The following ANK3 variants were observed in gnomAD, a reference collection of about 807,000 sequenced individuals.
The protein encoded by ANK3 is ankyrin-3.
Under a neutral mutation model 370.9 loss-of-function variants are expected in ANK3, and 57 were observed. That is an observed-to-expected ratio of 0.15 (90% CI 0.12 to 0.19). ANK3 has a LOEUF of 0.19. ANK3 is among the 10% of genes least tolerant of loss of function. The probability of loss-of-function intolerance (pLI) is 1.00; values close to 1 mark genes in which losing one functional copy is unlikely to be tolerated. For synonymous variants in ANK3, 1,929 were observed against 1,946.3 expected (o/e 0.99, Z 0.23); for missense variants, 4,439 against 5,302.1 (o/e 0.84, Z 5.06).
intron 2 of ANK3, among the ~76,000 whole-genome samples, chr10:60,563,554 CAT>C (rs2077389201): frequency 6.6e-6 from 1 of 152,144 alleles, no homozygotes; most frequent in East Asian, 1.9e-4. Context: ...TTCAGCAAAA[CAT>C]ATGAATACTC....
chr10:60,419,837 A>G (rs1252129887), intron 2 of ANK3, among the ~76,000 whole-genome samples: 1 of 152,152 alleles, frequency 6.6e-6, no homozygotes, highest in African/African-American at 2.4e-5. Flanking sequence ...TAACTCCAGT[A>G]TTCATCTGTG....
chr10:60,098,701 G>A (rs2090620209), intron 28 of ANK3, among the ~76,000 whole-genome samples: 2 of 152,158 alleles, frequency 1.3e-5, no homozygotes, highest in South Asian at 2.1e-4. Flanking sequence ...ATAAATTCAT[G>A]GGGCATGGCA....
At chr10:60,191,848 T>C in intron 16 of ANK3, among the ~76,000 whole-genome samples, 1 of 152,224 alleles carries the variant, frequency 6.6e-6, no homozygotes, top group South Asian at 2.1e-4. Context: ...TCAACCTTTG[T>C]GTCTACCAAT....
chr10:60,582,519 C>A (rs1263736515), intron 2 of ANK3, among the ~76,000 whole-genome samples: 1 of 151,928 alleles, frequency 6.6e-6, no homozygotes, highest in Non-Finnish European at 1.5e-5. Flanking sequence ...CAGAGTTGAG[C>A]AAAGGGCTGA....
At chr10:60,058,882 G>A (rs1435021993) in intron 41 of ANK3, among the ~76,000 whole-genome samples, 1 of 152,162 alleles carries the variant, frequency 6.6e-6, no homozygotes, top group Admixed American at 6.5e-5. Flanking sequence ...AGCCTCCTGA[G>A]TAGCTGGGAT....
intron 1 of ANK3, among the ~76,000 whole-genome samples, chr10:60,655,761 C>T (rs1185146820): frequency 6.6e-6 from 1 of 152,134 alleles, no homozygotes; most frequent in Non-Finnish European, 1.5e-5. Flanking sequence ...CAGGGACTCA[C>T]CCAGTGCAAG....
At chr10:60,175,124 A>T (rs2095892141) in intron 18 of ANK3, among the ~76,000 whole-genome samples, 1 of 152,186 alleles carries the variant, frequency 6.6e-6, no homozygotes, top group Non-Finnish European at 1.5e-5. Context: ...GTCTAATTCT[A>T]GTCTCCCCTA....
At chr10:60,415,916 G>GCCCCCCCCCCCCCCCCCCC (rs202007204) in intron 2 of ANK3, among the ~76,000 whole-genome samples, 1 of 81,188 alleles carries the variant, frequency 1.2e-5, no homozygotes, top group African/African-American at 4.7e-5. Context: ...CTGAATTTGT[G>GCCCCCCCCCCCCCCCCCCC]CCCCCCACCC....
chr10:60,104,357 C>CAAAAAAAAAAAAAAAAAAAAAAAAA (rs747064489), intron 28 of ANK3, among the ~76,000 whole-genome samples: 1 of 53,726 alleles, frequency 1.9e-5, no homozygotes. Context: ...GACTCCATCT[C>CAAAAAAAAAAAAAAAAAAAAAAAAA]AAAAAAAAAA....
chr10:60,717,834 T>A (rs919665818), intron 1 of ANK3, among the ~76,000 whole-genome samples: 3 of 152,190 alleles, frequency 2.0e-5, no homozygotes, highest in Non-Finnish European at 4.4e-5. Context: ...AAAGAAAAAT[T>A]TCAGTCAAAT....
chr10:60,118,054 C>T (rs2093224626), intron 25 of ANK3, among the ~76,000 whole-genome samples: 2 of 152,120 alleles, frequency 1.3e-5, no homozygotes, highest in South Asian at 2.1e-4. Flanking sequence ...GAACAATATA[C>T]ATGCAGTATT....
intron 1 of ANK3, among the ~76,000 whole-genome samples, chr10:60,288,407 C>A (rs2040528083): frequency 6.6e-6 from 1 of 152,098 alleles, no homozygotes; most frequent in Admixed American, 6.5e-5. Flanking sequence ...CATACTGGAG[C>A]CTGAATTCAT....
intron 43 of ANK3, 49 bp from the exon 44 acceptor site, chr10:60,029,875 C>CTTTTTTTTTTTTTGTTTTT (rs2072921606): frequency 1.5e-5 from 1 of 68,606 alleles, no homozygotes; most frequent in African/African-American, 6.6e-5. Context: ...TTTTCTTTTT[C>CTTTTTTTTTTTTTGTTTTT]TTTTTTTTTT....
At chr10:60,431,704 G>A (rs1189308324) in intron 2 of ANK3, among the ~76,000 whole-genome samples, 2 of 152,088 alleles carry the variant, frequency 1.3e-5, no homozygotes, top group Non-Finnish European at 1.5e-5. Context: ...TGTAGGTGAC[G>A]GGTGGGAGGG....
chr10:60,388,033 A>G lies in ANK3; in HGVS notation c.114+1392T>C, dbSNP rs1313177958. On this transcript the variant is annotated intron_variant, in intron 1 of 43. Coordinates refer to ENST00000280772, the MANE Select transcript of ANK3 (RefSeq NM_020987.5). The stretch of plus-strand genomic sequence containing the variant: ...TATGGACAGGGGGCAAGTGGTAGTG[A>G]CCTACCCACAGAGAAACCTCACACA... Among the ~76,000 whole-genome samples, 3 of 152,148 alleles carry G rather than the reference A, an allele frequency of 2.0e-5. No homozygotes were observed. The East Asian group carries it at 5.8e-4, about 29-fold the overall frequency.
At chr10:60,539,415 G>A (rs2076796075) in intron 2 of ANK3, among the ~76,000 whole-genome samples, 1 of 151,848 alleles carries the variant, frequency 6.6e-6, no homozygotes, top group African/African-American at 2.4e-5. Flanking sequence ...ATTATTGAGA[G>A]GAACCCCAGC....
intron 2 of ANK3, among the ~76,000 whole-genome samples, chr10:60,486,161 C>T (rs578165939): frequency 4.1e-4 from 63 of 152,138 alleles, no homozygotes; most frequent in Non-Finnish European, 5.7e-4. Flanking sequence ...GGTACAAATA[C>T]GTGCAATGAG....
intron 2 of ANK3, among the ~76,000 whole-genome samples, chr10:60,480,821 T>C (rs896452645): frequency 9.2e-5 from 14 of 152,304 alleles, no homozygotes; most frequent in African/African-American, 3.4e-4. Context: ...CAAACTCTGA[T>C]AGTAATGCCC....
chr10:60,113,190 A>G, intron 26 of ANK3, among the ~76,000 whole-genome samples: 1 of 151,602 alleles, frequency 6.6e-6, no homozygotes, highest in East Asian at 1.9e-4. Context: ...AGACACTGGT[A>G]TGTTTTTTTT....
Sources: gnomAD v4.1 joint callset for allele counts (sites outside exome capture counted in the v4.1 genomes callset) on GRCh38, gnomAD v4.1.1 for gene constraint, MANE v1.5 for transcripts, NCBI Gene and HGNC (gene_info 2026-07-23, HGNC 2026-07-21) for gene names.